The following NDUFB2 variants were observed in gnomAD, a reference collection of about 807,000 sequenced individuals.
NDUFB2 encodes NADH dehydrogenase [ubiquinone] 1 beta subcomplex subunit 2, mitochondrial.
Under a neutral mutation model 13.4 loss-of-function variants are expected in NDUFB2, and 13 were observed. The observed-to-expected ratio is 0.97, with a 90% CI of 0.63 to 1.54. NDUFB2 has a LOEUF of 1.54. Among genes scored for constraint, NDUFB2 ranks in the 40% most tolerant of loss-of-function variants. NDUFB2 has a pLI of 0.00. For synonymous variants in NDUFB2, 47 were observed against 50.6 expected, an observed-to-expected ratio of 0.93 and a Z score of 0.30; for missense variants, 150 against 139.7, an observed-to-expected ratio of 1.07 and a Z score of -0.37.
chr7:140,706,438 C>T (rs1370526654), intron 3 of NDUFB2, 125 bp from the exon 4 acceptor site: 2 of 151,994 alleles, frequency 1.3e-5, no homozygotes, highest in African/African-American at 2.4e-5. Context: ...TTTTGCTTCT[C>T]TTGTCTACAA....
chr7:140,696,770 C>T lies in NDUFB2; in HGVS notation c.26C>T (p.Ser9Phe). Residue 9 changes from serine (S) to phenylalanine (F), a missense_variant, in exon 1 of 4, where the codon TCT becomes TTT. Coordinates refer to ENST00000247866, the MANE Select transcript of NDUFB2 (RefSeq NM_004546.3). ...ATGTCCGCTCTGACTCGGCTGGCGT[C>T]TTTCGCTCGCGTTGGAGGCCGCCTT... MSALTRLA[S>F]FARVGGRLFR... 6.2e-7 allele frequency: 1 copy of T among 1,604,368 alleles called. No homozygotes were observed. The highest frequency in any genetic ancestry group is 8.5e-7 in the Non-Finnish European group (1 of 1,176,248).
chr7:140,704,840 T>G lies in NDUFB2; in HGVS notation c.244-20T>G, dbSNP rs769830565. 1 of 1,536,562 alleles carries G rather than the reference T, an allele frequency of 6.5e-7. No individual in the cohort carries two copies. The highest frequency in any genetic ancestry group is 2.3e-5 in the East Asian group (1 of 43,654). ...AATGTAAATTCTTGACTTTTCTTTC[T>G]TTTAAATGGTTGTCACCAGGGTCAC... On this transcript the variant is annotated intron_variant, in intron 2 of 3. Coordinates refer to ENST00000247866, the MANE Select transcript of NDUFB2 (RefSeq NM_004546.3).
At chr7:140,700,654 T>C (rs747368139) in intron 1 of NDUFB2, 4 of 151,872 alleles carry the variant, frequency 2.6e-5, no homozygotes, top group Admixed American at 2.6e-4. Flanking sequence ...CCGGGCATGG[T>C]GGCACATGCC....
chr7:140,701,950 A>G (rs1481333689), intron 1 of NDUFB2: 2 of 647,944 alleles, frequency 3.1e-6, no homozygotes, highest in African/African-American at 3.6e-5. Flanking sequence ...ACAAACAAAG[A>G]AAACAAACAG....
chr7:140,701,446 T>C (rs547499878), intron 1 of NDUFB2, among the ~76,000 whole-genome samples: 250 of 152,246 alleles, frequency 1.6e-3, no homozygotes, highest in Non-Finnish European at 2.5e-3. Context: ...AGGGAAACCC[T>C]GTCTCTACAA....
chr7:140,696,962 C>G (rs1028726103), intron 1 of NDUFB2, 120 bp downstream of exon 1: 8 of 889,704 alleles, frequency 9.0e-6, no homozygotes, highest in Non-Finnish European at 1.4e-5. Context: ...ATGCTGGGAC[C>G]TGTAGTCCGC....
chr7:140,703,429 C>A (rs1794925541), intron 2 of NDUFB2, among the ~76,000 whole-genome samples: 1 of 152,060 alleles, frequency 6.6e-6, no homozygotes, highest in East Asian at 1.9e-4. Flanking sequence ...TGTGCACCCC[C>A]ACGCCGGCTA....
chr7:140,702,005 C>T (rs915732748), intron 1 of NDUFB2: 21 of 700,516 alleles, frequency 3.0e-5, no homozygotes, highest in East Asian at 1.1e-4. Flanking sequence ...TTACTGTTCA[C>T]GAATCTGTGC....
chr7:140,699,900 A>G (rs1163049468), intron 1 of NDUFB2, among the ~76,000 whole-genome samples: 1 of 150,016 alleles, frequency 6.7e-6, no homozygotes, highest in Non-Finnish European at 1.5e-5. Flanking sequence ...GGAACATAAC[A>G]TTGTGAATTA....
At chr7:140,698,012 A>C (rs1444602795) in intron 1 of NDUFB2, 1 of 1,289,286 alleles carries the variant, frequency 7.8e-7, no homozygotes, top group Admixed American at 2.3e-5. Flanking sequence ...TAAAGTGTTT[A>C]AAACAATTGC....
chr7:140,697,173 G>A, intron 1 of NDUFB2: 1 of 597,778 alleles, frequency 1.7e-6, no homozygotes, highest in Non-Finnish European at 3.0e-6. Context: ...AGGAAGCAGC[G>A]TGCGCGGCGG....
chr7:140,698,230 C>T (rs750357571), intron 1 of NDUFB2: 1 of 1,351,814 alleles, frequency 7.4e-7, no homozygotes, highest in Non-Finnish European at 9.8e-7. Context: ...AGCCCTTGGT[C>T]CTGCATGAGG....
rs2072415 is a variant in NDUFB2 at position 140,702,582 on chromosome 7, A to G, written c.99-284A>G. On this transcript the variant is annotated intron_variant, in intron 1 of 3. Transcript: ENST00000247866. ...TCCCTTAACTAAAACCTTTGGGGCT[A>G]GCACCCCAGAATCAACACATTCAAA... The G allele has an allele frequency of 4.1e-3, 1,506 of 363,464 alleles. 50 individuals are homozygous for G. In the South Asian group the frequency reaches 0.043, roughly 10 times the overall value. The allele number at this position is 363,464 out of a possible 1,614,324, so 22.5% of individuals were successfully genotyped here. A position where few individuals can be genotyped will look rare whatever the true frequency, so the allele number is the denominator to read the frequency against.
intron 3 of NDUFB2, chr7:140,706,065 G>GTTATGTTATGTTATGTTATGTT (rs1563216382): frequency 1.1e-4 from 15 of 137,774 alleles, no homozygotes; most frequent in African/African-American, 4.5e-4. Flanking sequence ...TATGTTTTAT[G>GTTATGTTATGTTATGTTATGTT]TTATGTTATG....
intron 1 of NDUFB2, among the ~76,000 whole-genome samples, chr7:140,699,666 T>TGGTGGAGGTTCAAGGGCTCCC (rs1473778040): frequency 6.6e-6 from 1 of 152,012 alleles, no homozygotes; most frequent in Non-Finnish European, 1.5e-5. Flanking sequence ...GTAGCTATCC[T>TGGTGGAGGTTCAAGGGCTCCC]GGTGGAGGTT....
chr7:140,702,657 C>G (rs979205013), intron 1 of NDUFB2: 2 of 507,896 alleles, frequency 3.9e-6, no homozygotes, highest in Admixed American at 7.4e-5. Context: ...CAAAATTAGC[C>G]TCTTGTCAGT....
At chr7:140,700,478 A>G (rs1358827400) in intron 1 of NDUFB2, among the ~76,000 whole-genome samples, 1 of 151,836 alleles carries the variant, frequency 6.6e-6, no homozygotes, top group Non-Finnish European at 1.5e-5. Flanking sequence ...AGATTGTATC[A>G]AAAAGCTATC....
At chr7:140,697,196 C>T (rs1022098027) in intron 1 of NDUFB2, 3 of 645,978 alleles carry the variant, frequency 4.6e-6, no homozygotes, top group East Asian at 2.7e-5. Context: ...GTGGACGCTC[C>T]TGGAGCGAGG....
intron 1 of NDUFB2, among the ~76,000 whole-genome samples, chr7:140,699,405 A>G (rs775961627): frequency 1.3e-5 from 2 of 152,114 alleles, no homozygotes; most frequent in Non-Finnish European, 2.9e-5. Context: ...TGCCACCCCA[A>G]TTCAGGCTCA....
Sources: allele counts gnomAD v4.1 joint callset (sites outside exome capture counted in the v4.1 genomes callset), GRCh38; gene constraint gnomAD v4.1.1; transcripts MANE v1.5; gene names NCBI Gene and HGNC (gene_info 2026-07-23, HGNC 2026-07-21).